WDPCP: variants seen among roughly 807,000 people sequenced by gnomAD.
WDPCP encodes WD repeat-containing and planar cell polarity effector protein fritz homolog.
Under a neutral mutation model 93.1 loss-of-function variants are expected in WDPCP, and 71 were observed. That is an observed-to-expected ratio of 0.76 (90% CI 0.63 to 0.93). WDPCP has a LOEUF of 0.93. Among genes scored for constraint, WDPCP ranks in the 40% least tolerant of loss-of-function variants. WDPCP has a pLI of 0.00. For synonymous variants in WDPCP, 315 were observed against 315.0 expected (o/e 1.00, Z 0.00); for missense variants, 844 against 887.4 (o/e 0.95, Z 0.62).
At chr2:63,390,982 T>G (rs1403902400) in intron 10 of WDPCP, among the ~76,000 whole-genome samples, 1 of 152,156 alleles carries the variant, frequency 6.6e-6, no homozygotes, top group Admixed American at 6.6e-5. Flanking sequence ...TTGGTACCAT[T>G]CCTTCTGAAA....
At chr2:63,211,295 C>T (rs1325277727) in intron 14 of WDPCP, among the ~76,000 whole-genome samples, 1 of 152,196 alleles carries the variant, frequency 6.6e-6, no homozygotes, top group Non-Finnish European at 1.5e-5. Context: ...CAACATTTGC[C>T]ATTCTGCAAT....
chr2:63,721,080 C>T (rs537110435), intron 2 of WDPCP, among the ~76,000 whole-genome samples: 4 of 152,234 alleles, frequency 2.6e-5, no homozygotes, highest in Non-Finnish European at 5.9e-5. Flanking sequence ...TAACAGGCTT[C>T]CTTATACAAG....
intron 17 of WDPCP, among the ~76,000 whole-genome samples, chr2:63,136,372 G>A (rs996128883): frequency 6.6e-6 from 1 of 152,028 alleles, no homozygotes; most frequent in Non-Finnish European, 1.5e-5. Flanking sequence ...TGGGAAAAAA[G>A]CCCTGCAGGG....
chr2:63,213,768 C>G (rs1182071844), intron 14 of WDPCP, among the ~76,000 whole-genome samples: 2 of 151,934 alleles, frequency 1.3e-5, no homozygotes, highest in Non-Finnish European at 2.9e-5. Flanking sequence ...TAAATAGACA[C>G]AACAAAAATG....
chr2:63,466,308 AAAAC>A (rs1699340803), intron 6 of WDPCP, among the ~76,000 whole-genome samples: 1 of 152,184 alleles, frequency 6.6e-6, no homozygotes, highest in South Asian at 2.1e-4. Flanking sequence ...ATTTTTGAAA[AAAAC>A]ACTTTATTAA....
chr2:63,777,280 CT>C (rs1177966581), intron 2 of WDPCP, among the ~76,000 whole-genome samples: 16 of 152,226 alleles, frequency 1.1e-4, no homozygotes, highest in African/African-American at 3.6e-4. Context: ...ACCATACCTA[CT>C]AGAAAGTCTA....
chr2:63,461,827 C>T (rs147503944), intron 6 of WDPCP, among the ~76,000 whole-genome samples: 174 of 152,294 alleles, frequency 1.1e-3, no homozygotes, highest in South Asian at 7.1e-3. Flanking sequence ...TTTCTCTATC[C>T]CTTTTAATCA....
intron 9 of WDPCP, among the ~76,000 whole-genome samples, chr2:63,408,974 G>A (rs530757266): frequency 1.3e-5 from 2 of 152,240 alleles, no homozygotes; most frequent in African/African-American, 4.8e-5. Flanking sequence ...CCCTGGTAGT[G>A]GAAGACAAAG....
At chr2:63,768,985 T>G (rs1186726960) in intron 2 of WDPCP, among the ~76,000 whole-genome samples, 1 of 152,024 alleles carries the variant, frequency 6.6e-6, no homozygotes, top group East Asian at 1.9e-4. Context: ...TACAATGTAC[T>G]GACAAGAAAG....
At chr2:63,147,728 G>T (rs930212641) in intron 17 of WDPCP, among the ~76,000 whole-genome samples, 3 of 152,166 alleles carry the variant, frequency 2.0e-5, no homozygotes, top group South Asian at 2.1e-4. Context: ...CAGCACTTTG[G>T]GGGGCCAAGG....
chr2:63,677,302 T>A (rs1710413782), intron 2 of WDPCP, among the ~76,000 whole-genome samples: 2 of 152,128 alleles, frequency 1.3e-5, no homozygotes, highest in African/African-American at 2.4e-5. Flanking sequence ...ATCTCTATGG[T>A]TTTTCATACT....
At chr2:63,508,252 C>T (rs1305423292) in intron 1 of WDPCP, among the ~76,000 whole-genome samples, 1 of 152,232 alleles carries the variant, frequency 6.6e-6, no homozygotes, top group East Asian at 1.9e-4. Context: ...AGAAATCCTA[C>T]AAGCCAGAAG....
chr2:63,215,151 A>G (rs1290641246), intron 14 of WDPCP, among the ~76,000 whole-genome samples: 1 of 152,236 alleles, frequency 6.6e-6, no homozygotes, highest in Non-Finnish European at 1.5e-5. Context: ...ACCAAAAAAG[A>G]GCCCGCATTG....
chr2:63,829,001 T>C (rs1170589680), upstream of WDPCP, among the ~76,000 whole-genome samples: 1 of 152,162 alleles, frequency 6.6e-6, no homozygotes, highest in East Asian at 1.9e-4. Flanking sequence ...TATTTTTATG[T>C]ATTAAAACAG....
intron 3 of WDPCP, among the ~76,000 whole-genome samples, chr2:63,635,464 A>T (rs1709911398): frequency 1.3e-5 from 2 of 152,164 alleles, no homozygotes; most frequent in Admixed American, 1.3e-4. Flanking sequence ...AGATGCAAAA[A>T]TTCTCAACAA....
chr2:63,283,306 G>A (rs1232907502), intron 13 of WDPCP, among the ~76,000 whole-genome samples: 6 of 152,102 alleles, frequency 3.9e-5, no homozygotes, highest in Non-Finnish European at 8.8e-5. Flanking sequence ...AGCCCCTTGC[G>A]TCACTAGGAT....
At chr2:63,756,378 C>T (rs1669968033) in intron 2 of WDPCP, among the ~76,000 whole-genome samples, 1 of 152,160 alleles carries the variant, frequency 6.6e-6, no homozygotes, top group South Asian at 2.1e-4. Context: ...ATTTCAGGGT[C>T]CATCAGTTCT....
At chr2:63,238,766 A>C (rs1679620149) in intron 14 of WDPCP, among the ~76,000 whole-genome samples, 1 of 152,158 alleles carries the variant, frequency 6.6e-6, no homozygotes, top group Admixed American at 6.6e-5. Flanking sequence ...GTATTTGTAG[A>C]ATAGGGGAGT....
chr2:63,343,608 C>T (rs1689000272), intron 12 of WDPCP, among the ~76,000 whole-genome samples: 1 of 152,108 alleles, frequency 6.6e-6, no homozygotes, highest in Admixed American at 6.5e-5. Context: ...GATTTTTCTA[C>T]CATAATTTCT....
Sources: allele counts gnomAD v4.1 joint callset (sites outside exome capture counted in the v4.1 genomes callset), GRCh38; gene constraint gnomAD v4.1.1; transcripts MANE v1.5; gene names NCBI Gene and HGNC (gene_info 2026-07-23, HGNC 2026-07-21).